The following PIGO variants were observed in gnomAD, a reference collection of about 807,000 sequenced individuals.
PIGO encodes phosphatidylinositol glycan anchor biosynthesis class O.
Under a neutral mutation model 86.9 loss-of-function variants are expected in PIGO, and 66 were observed. The ratio of observed to expected loss-of-function variants is 0.76; its 90% CI spans 0.62 to 0.93. The LOEUF is 0.93. PIGO is among the 40% of genes least tolerant of loss of function. PIGO has a pLI of 0.00. For missense variants in PIGO, 1,202 were observed against 1,359.1 expected, an observed-to-expected ratio of 0.88 and a Z score of 1.82; for synonymous variants, 570 against 556.4, an observed-to-expected ratio of 1.02 and a Z score of -0.34.
chr9:35,092,053 T>C lies in PIGO; in HGVS notation c.1834A>G (p.Asn612Asp). The part of the protein sequence containing the change: ...MPRLGTSATT[N>D]PPRHNGAYAL... ...TATGCACCATTGTGCCGTGGGGGGT[T>C]TGTTGTGGCTGAAGTGCCAAGGCGG... Residue 612 changes from asparagine to aspartate, a missense_variant, in exon 7 of 11, where the codon AAC becomes GAC. Transcript: ENST00000378617. 6.2e-7 allele frequency: 1 copy of C among 1,614,128 alleles called. No homozygotes were observed. The highest frequency in any genetic ancestry group is 1.1e-5 in the South Asian group (1 of 91,074).
rs1829512722 is a variant in PIGO at position 35,093,164 on chromosome 9, G to A, written c.985C>T (p.Leu329=). Residue 329 remains leucine, a synonymous_variant, in exon 6 of 11, where the codon CTG becomes TTG. Coordinates refer to ENST00000378617, the MANE Select transcript of PIGO (RefSeq NM_032634.4). The part of the protein sequence containing the change: ...PQVSLVPTLA[L]LLGLPIPFGN... Reference sequence around the variant, plus strand: ...AATGGGATGGGCAGGCCCAGCAGCAGGGCCAGCGTGGGCACAAGGCTAACT... The same window carrying A: ...AATGGGATGGGCAGGCCCAGCAGCAAGGCCAGCGTGGGCACAAGGCTAACT... 1 of 1,614,120 alleles carries A rather than the reference G, an allele frequency of 6.2e-7. No homozygotes were observed. The highest frequency in any genetic ancestry group is 1.1e-5 in the South Asian group (1 of 91,086).
At position 35,091,294 on chromosome 9, in the gene PIGO, G is replaced by A; in HGVS notation, c.2593C>T (p.Gln865Ter). The A allele has an allele frequency of 6.2e-7, 1 of 1,613,286 alleles. No homozygotes were observed. Among genetic ancestry groups the A allele is most frequent in the Non-Finnish European group, 8.5e-7 (1 of 1,179,514 alleles). Residue 865 changes from glutamine to a stop codon, truncating the protein, a stop_gained, in exon 7 of 11, where the codon CAG (glutamine) becomes TAG (stop). Transcript: ENST00000378617. LOFTEE classifies it high-confidence loss of function. ...ISLVFLLLFLQSFLLLHLLAA... is the reference protein window; with the variant it reads ...ISLVFLLLFL ...AGCAGATGTAGGAGAAGGAAGCTCT[G>A]CAGAAACAGAAGCAGGAACACAAGG... is the stretch of plus-strand genomic sequence containing the variant.
Position 35,091,979 on chromosome 9 carries a change from C to T in PIGO, c.1908G>A (p.Gly636=). ...TCTCTTCAGGGCAACGATGAAAAAG[C>T]CCAGCTAGCCTTGTACATAAAAGCA... The part of the protein sequence containing the change: ...IGLLLCTRLA[G]LFHRCPEETP... Residue 636 remains glycine (G), a synonymous_variant, in exon 7 of 11, where the codon GGG becomes GGA. Coordinates refer to ENST00000378617, the MANE Select transcript of PIGO (RefSeq NM_032634.4). 6.2e-7 allele frequency: 1 copy of T among 1,614,230 alleles called. No individual in the cohort carries two copies. Among genetic ancestry groups the T allele is most frequent in the Non-Finnish European group, 8.5e-7 (1 of 1,180,044 alleles).
At position 35,095,404 on chromosome 9, in the gene PIGO, G is replaced by C. The variant is rs765304857; in HGVS notation, c.162C>G (p.Ser54Arg). 1 of 1,614,106 alleles carries C rather than the reference G, an allele frequency of 6.2e-7. No individual in the cohort carries two copies. Among genetic ancestry groups the C allele is most frequent in the Non-Finnish European group, 8.5e-7 (1 of 1,179,988 alleles). The change falls in exon 2 of 11, where the codon AGC becomes AGG. Residue 54 changes from serine (S) to arginine (R), a missense_variant. Ser to Arg is a moderately radical substitution (Grantham distance 110). Coordinates refer to ENST00000378617, the MANE Select transcript of PIGO (RefSeq NM_032634.4). ...TCCAGCAGGCCCCAGGTTTCCCTTG[G>C]CTCCCCCATGGCAGGGACCCAGGGC... ...PPGPGSLPWG[S>R]QGKPGACWMA... is the part of the protein sequence containing the mutation.
Position 35,090,261 on chromosome 9 carries a change from C to G in PIGO, c.2874G>C (p.Leu958=), listed in dbSNP as rs1269359376. The G allele has an allele frequency of 1.2e-5, 20 of 1,613,854 alleles. No homozygotes were observed. Among genetic ancestry groups the G allele is most frequent in the Non-Finnish European group, 1.7e-5 (20 of 1,179,950 alleles). Residue 958 remains leucine, a synonymous_variant, in exon 9 of 11, where the codon CTG becomes CTC. Transcript: ENST00000378617. Reference sequence around the variant, plus strand: ...GACTCTCACACAGGAAAGGCCAGAGCAGGAGCAGTGGGCAACCTACTGCCT... The same window carrying G: ...GACTCTCACACAGGAAAGGCCAGAGGAGGAGCAGTGGGCAACCTACTGCCT... ...LLFAVGCPLL[L]LWPFLCESQG... is the part of the protein sequence containing the mutation.
At chr9:35,094,524 C>T (rs999091815) in intron 2 of PIGO, among the ~76,000 whole-genome samples, 165 bp from the exon 3 acceptor site, 2 of 152,170 alleles carry the variant, frequency 1.3e-5, no homozygotes, top group South Asian at 2.1e-4. Context: ...CATTTTCCAC[C>T]AGGAAGCTTT....
chr9:35,089,500 C>G (rs769136743), intron 9 of PIGO, 50 bp from the exon 10 acceptor site: 1 of 1,612,286 alleles, frequency 6.2e-7, no homozygotes, highest in Non-Finnish European at 8.5e-7. Flanking sequence ...GAGGAGGAAG[C>G]GGAGCAAAAG....
intron 6 of PIGO, 89 bp from the exon 7 acceptor site, chr9:35,092,856 C>A: frequency 1.4e-6 from 2 of 1,402,564 alleles, no homozygotes; most frequent in South Asian, 2.8e-5. Context: ...AAAGGGGGTA[C>A]CTGGAAGTCA....
chr9:35,089,590 G>T, intron 9 of PIGO, 140 bp from the exon 10 acceptor site: 1 of 1,488,302 alleles, frequency 6.7e-7, no homozygotes, highest in Admixed American at 2.3e-5. Flanking sequence ...CATGTCCTGG[G>T]CTAGGAGTTA....
chr9:35,092,105 C>G lies in PIGO; in HGVS notation c.1782G>C (p.Leu594=). 1.9e-6 allele frequency: 3 copies of G among 1,614,236 alleles called. No individual in the cohort carries two copies. Among genetic ancestry groups the G allele is most frequent in the Non-Finnish European group, 2.5e-6 (3 of 1,180,030 alleles). The change falls in exon 7 of 11, where the codon CTG becomes CTC. Residue 594 remains leucine, a synonymous_variant. Coordinates refer to ENST00000378617, the MANE Select transcript of PIGO (RefSeq NM_032634.4). ...GCATTGTGAGTAGCTTAGGTGGAAGCAGCTGGCCCTCCCAGTGAAGCTGGA... is the reference window on the plus strand; with the variant it reads ...GCATTGTGAGTAGCTTAGGTGGAAGGAGCTGGCCCTCCCAGTGAAGCTGGA... The part of the protein sequence containing the change: ...LVVQLHWEGQ[L]LPPKLLTMPR...
rs1372605305 is a variant in PIGO at position 35,091,578 on chromosome 9, C to T, written c.2309G>A (p.Gly770Glu). The change falls in exon 7 of 11, where the codon GGG (glycine) becomes GAG (glutamate). Residue 770 changes from glycine to glutamate, a missense_variant. Gly to Glu is a moderately conservative substitution (Grantham distance 98, BLOSUM62 -2). Coordinates refer to ENST00000378617, the MANE Select transcript of PIGO (RefSeq NM_032634.4). ...WKPVTVLVKA[G>E]AGAPRTRTVL... ...AGTCCTGGTCCTTGGAGCGCCTGCCCCAGCCTTCACCAGCACTGTCACAGG... is the reference window on the plus strand; with the variant it reads ...AGTCCTGGTCCTTGGAGCGCCTGCCTCAGCCTTCACCAGCACTGTCACAGG... 1 of 1,614,016 alleles carries T rather than the reference C, an allele frequency of 6.2e-7. No homozygotes were observed. Among genetic ancestry groups the T allele is most frequent in the African/African-American group, 1.3e-5 (1 of 75,050 alleles).
chr9:35,091,824 AGCCACAAGCGCACGGCAGCTAACAGG>A lies in PIGO; in HGVS notation c.2037_2062del (p.Leu680SerfsTer5). The A allele has an allele frequency of 6.2e-7, 1 of 1,613,920 alleles. No homozygotes were observed. Among genetic ancestry groups the A allele is most frequent in the East Asian group, 2.2e-5 (1 of 44,880 alleles). ...GCTCTTGAGATTACCATAGCGGCGA[AGCCACAAGCGCACGGCAGCTAACAGG>A]GCCACCAGCGCCGCCACACAAGCTC... On this transcript the variant is annotated frameshift_variant, in exon 7 of 11. Transcript: ENST00000378617. LOFTEE classifies it high-confidence loss of function.
In PIGO at chr9:35,092,307, C is replaced by T. The variant is rs750273716; in HGVS notation, c.1580G>A (p.Trp527Ter). The T allele has an allele frequency of 1.2e-5, 19 of 1,614,106 alleles. No individual in the cohort carries two copies. Among genetic ancestry groups the T allele is most frequent in the Non-Finnish European group, 1.5e-5 (18 of 1,180,042 alleles). The change falls in exon 7 of 11, where the codon TGG becomes TAG. Residue 527 changes from tryptophan (W) to a stop codon, truncating the protein, a stop_gained. Coordinates refer to ENST00000378617, the MANE Select transcript of PIGO (RefSeq NM_032634.4). LOFTEE classifies it high-confidence loss of function. ...AAVSSFLPFL[W>*]KAWAGWGSKR... ...GGACCCCCAGCCAGCCCAGGCTTTC[C>T]ACAGAAAAGGGAGGAATGAGCTCAC...
chr9:35,092,930 G>C, intron 6 of PIGO, 100 bp downstream of exon 6: 1 of 1,428,176 alleles, frequency 7.0e-7, no homozygotes, highest in Non-Finnish European at 9.4e-7. Context: ...AGGTATGGAA[G>C]GTGGGACTAA....
intron 10 of PIGO, 78 bp from the exon 11 acceptor site, chr9:35,089,299 T>C: frequency 6.2e-7 from 1 of 1,613,410 alleles, no homozygotes; most frequent in Non-Finnish European, 8.5e-7. Flanking sequence ...ACCTTGGCCA[T>C]CCTGGATGTT....
chr9:35,092,119 A>T lies in PIGO; in HGVS notation c.1768T>A (p.Trp590Arg). 1 of 1,614,244 alleles carries T rather than the reference A, an allele frequency of 6.2e-7. No individual in the cohort carries two copies. Among genetic ancestry groups the T allele is most frequent in the Non-Finnish European group, 8.5e-7 (1 of 1,180,036 alleles). The change falls in exon 7 of 11, where the codon TGG becomes AGG. Residue 590 changes from tryptophan (W) to arginine (R), a missense_variant. Trp to Arg is a moderately radical substitution (Grantham distance 101). Transcript: ENST00000378617. ...FILLLVVQLH[W>R]EGQLLPPKLL... is the part of the protein sequence containing the mutation. ...TTAGGTGGAAGCAGCTGGCCCTCCC[A>T]GTGAAGCTGGACAACCAGGAGCAGG...
In PIGO at chr9:35,094,355, C is replaced by A. The variant is rs1829572972; in HGVS notation, c.516G>T (p.Arg172Ser). Residue 172 changes from arginine to serine, a missense_variant, in exon 3 of 11, where the codon AGG (arginine) becomes AGT (serine). Transcript: ENST00000378617. ...TATCATCTCCCATGAAGACTACACG[C>A]CTTCCTGCAGGGACATGAAAGAGAA... ...NLIKQLTSAG[R>S]RVVFMGDDTW... 1 of 1,601,474 alleles carries A rather than the reference C, an allele frequency of 6.2e-7. No homozygotes were observed. Among genetic ancestry groups the A allele is most frequent in the Non-Finnish European group, 8.5e-7 (1 of 1,176,904 alleles).
At chr9:35,091,031 C>G in intron 7 of PIGO, 1 of 616,270 alleles carries the variant, frequency 1.6e-6, no homozygotes, top group South Asian at 2.1e-5. Flanking sequence ...TGTCTCTCCT[C>G]TCCATGAACC....
chr9:35,091,689 C>G lies in PIGO; in HGVS notation c.2198G>C (p.Arg733Pro). Residue 733 changes from arginine to proline, a missense_variant, in exon 7 of 11, where the codon CGG becomes CCG. Physicochemically the swap from Arg to Pro is moderately radical, Grantham distance 103 (BLOSUM62 -2). Transcript: ENST00000378617. ...SGADEAPPRL[R>P]VLVSGASMVL... ...CATGGATGCCCCAGAGACCAGGACCCGGAGACGGGGGGGAGCCTCATCTGC... is the reference window on the plus strand; with the variant it reads ...CATGGATGCCCCAGAGACCAGGACCGGGAGACGGGGGGGAGCCTCATCTGC... The G allele has an allele frequency of 6.2e-7, 1 of 1,612,562 alleles. No homozygotes were observed. Among genetic ancestry groups the G allele is most frequent in the South Asian group, 1.1e-5 (1 of 91,082 alleles).
Sources: allele counts gnomAD v4.1 joint callset (sites outside exome capture counted in the v4.1 genomes callset), GRCh38; gene constraint gnomAD v4.1.1; transcripts MANE v1.5; gene names NCBI Gene and HGNC (gene_info 2026-07-23, HGNC 2026-07-21).